Variants in JUP observed in about 807,000 individuals in gnomAD.
JUP encodes catenin (cadherin-associated protein), gamma 80kDa.
JUP carries 28 observed loss-of-function variants against 71.1 expected under a neutral mutation model. The observed-to-expected ratio is 0.39, with a 90% CI of 0.29 to 0.54. The LOEUF is 0.54. Ranked by LOEUF, JUP falls within the 20% of genes least tolerant of loss-of-function variation. The probability of loss-of-function intolerance (pLI) is 0.62; values close to 1 mark genes in which losing one functional copy is unlikely to be tolerated. For synonymous variants in JUP, 401 were observed against 438.9 expected (o/e 0.91, Z 1.08); for missense variants, 869 against 1,030.1 (o/e 0.84, Z 2.14).
chr17:41,771,297 G>T (rs1916611671), intron 2 of JUP: 2 of 332,578 alleles, frequency 6.0e-6, no homozygotes, highest in Non-Finnish European at 1.2e-5. Context: ...CTCCCAAAGT[G>T]CTGGGATTAC....
At chr17:41,761,835 G>A (rs1914864547) in intron 8 of JUP, among the ~76,000 whole-genome samples, 1 of 151,642 alleles carries the variant, frequency 6.6e-6, no homozygotes, top group Non-Finnish European at 1.5e-5. Context: ...TTGGGAGGCT[G>A]AGGCTGGTGG....
Position 41,765,183 on chromosome 17 carries a change from C to A in JUP, c.910-116G>T, listed in dbSNP as rs911148281. The A allele has an allele frequency of 1.1e-5, 11 of 1,025,944 alleles. No individual in the cohort carries two copies. In the African/African-American group the frequency reaches 1.6e-4, roughly 15 times the overall value. The allele number at this position is 1,025,944 out of a possible 1,614,324, so 63.6% of individuals were successfully genotyped here. A position where few individuals can be genotyped will look rare whatever the true frequency, so the allele number is the denominator to read the frequency against. On this transcript the variant is annotated intron_variant, in intron 5 of 13. Transcript: ENST00000393931. ...AGCTTCAGCTAAAGCACGAATAGTTCGTTTTTTTCTTTTAATGTATTTTTT... is the reference window on the plus strand; with the variant it reads ...AGCTTCAGCTAAAGCACGAATAGTTAGTTTTTTTCTTTTAATGTATTTTTT...
At chr17:41,781,073 C>A (rs1259277065) in intron 1 of JUP, among the ~76,000 whole-genome samples, 1 of 150,748 alleles carries the variant, frequency 6.6e-6, no homozygotes, top group Non-Finnish European at 1.5e-5. Flanking sequence ...CCCAGCTACT[C>A]GGGAGGCTAA....
At position 41,758,716 on chromosome 17, in the gene JUP, G is replaced by T; in HGVS notation, c.1652C>A (p.Thr551Lys). The T allele has an allele frequency of 1.3e-6, 2 of 1,599,254 alleles. No homozygotes were observed. Among genetic ancestry groups the T allele is most frequent in the Non-Finnish European group, 8.5e-7 (1 of 1,173,218 alleles). Residue 551 changes from threonine (T) to lysine (K), a missense_variant and splice_region_variant, in exon 9 of 14, where the codon ACG becomes AAG. Coordinates refer to ENST00000393931, the MANE Select transcript of JUP (RefSeq NM_002230.4). ...CAGAGGCACCACCAGCTCACATACC[G>T]TGTAGGGCTGCTGTGTGCCTGCAGC... is the stretch of plus-strand genomic sequence containing the variant. ...HVAAGTQQPYTDGVRMEEIVE... is the reference protein window; with the variant it reads ...HVAAGTQQPYKDGVRMEEIVE...
chr17:41,767,373 G>A lies in JUP; in HGVS notation c.909+6C>T, dbSNP rs193922705. 1.3e-3 allele frequency: 2,074 copies of A among 1,613,530 alleles called. 18 individuals carry two copies. In the Middle Eastern group the frequency reaches 0.021, roughly 17 times the overall value. ...TCAGGCCTCGGGAGAGTTGGGGAGG[G>A]CCCACCTTGCTCTCCTGGTTGCCGT... is the stretch of plus-strand genomic sequence containing the variant. On this transcript the variant is annotated splice_donor_region_variant and intron_variant, in intron 5 of 13. Coordinates refer to ENST00000393931, the MANE Select transcript of JUP (RefSeq NM_002230.4).
rs1555597474 is a variant in JUP at position 41,755,834 on chromosome 17, C to T, written c.2148G>A (p.Met716Ile). 2 of 1,613,480 alleles carry T rather than the reference C, an allele frequency of 1.2e-6. No individual in the cohort carries two copies. Among genetic ancestry groups the T allele is most frequent in the East Asian group, 4.5e-5 (2 of 44,840 alleles). ...GGTAGTCTCCATCCATGTCCATGTG[C>T]ATCTCCAGCGGGTCAAGGGGCACAT... ...SSDVPLDPLEMHMDMDGDYPI... is the reference protein window; with the variant it reads ...SSDVPLDPLEIHMDMDGDYPI... The change falls in exon 14 of 14, where the codon ATG becomes ATA. Residue 716 changes from methionine (M) to isoleucine (I), a missense_variant. Physicochemically the swap from Met to Ile is conservative, Grantham distance 10. Transcript: ENST00000393931.
At chr17:41,784,516 G>A (rs7213095) in intron 1 of JUP, among the ~76,000 whole-genome samples, 3 of 151,848 alleles carry the variant, frequency 2.0e-5, no homozygotes, top group Admixed American at 1.3e-4. Flanking sequence ...AACTAATCAT[G>A]TAGCCAACAT....
intron 1 of JUP, among the ~76,000 whole-genome samples, chr17:41,782,603 A>G (rs1022936665): frequency 3.6e-4 from 55 of 151,806 alleles, no homozygotes; most frequent in Admixed American, 2.0e-4. Flanking sequence ...CCTCCCCCCA[A>G]CACTCACCAC....
chr17:41,777,414 C>A (rs1289173753), intron 1 of JUP, among the ~76,000 whole-genome samples: 1 of 152,202 alleles, frequency 6.6e-6, no homozygotes, highest in Non-Finnish European at 1.5e-5. Context: ...CAGACACAGA[C>A]TCTAGAAAGT....
chr17:41,784,057 C>A (rs2047323950), intron 1 of JUP, among the ~76,000 whole-genome samples: 1 of 152,062 alleles, frequency 6.6e-6, no homozygotes. Context: ...AGAGCTGGGT[C>A]TCAAACCCAG....
intron 1 of JUP, among the ~76,000 whole-genome samples, chr17:41,773,891 C>T (rs887801298): frequency 2.0e-5 from 3 of 152,206 alleles, no homozygotes; most frequent in Admixed American, 1.3e-4. Context: ...GTAGCAATAA[C>T]CCACTGAATG....
At chr17:41,772,976 G>A (rs1422876625) in intron 1 of JUP, 2 of 985,458 alleles carry the variant, frequency 2.0e-6, no homozygotes, top group African/African-American at 3.5e-5. Context: ...CTACGAGCCA[G>A]ACCTTTCACA....
Position 41,769,421 on chromosome 17 carries a change from G to T in JUP, c.465C>A (p.Asp155Glu). ...CCTAGCAGGGACCCTCACAGACCGG[G>T]TCCTCGTCGTTGAGCAGTTTGGTGA... is the stretch of plus-strand genomic sequence containing the variant. ...PELTKLLNDE[D>E]PVVVTKAAMI... Residue 155 changes from aspartate to glutamate, a missense_variant, in exon 3 of 14, where the codon GAC becomes GAA. Coordinates refer to ENST00000393931, the MANE Select transcript of JUP (RefSeq NM_002230.4). 1 of 1,611,264 alleles carries T rather than the reference G, an allele frequency of 6.2e-7. No homozygotes were observed. Among genetic ancestry groups the T allele is most frequent in the Non-Finnish European group, 8.5e-7 (1 of 1,179,126 alleles).
intron 2 of JUP, among the ~76,000 whole-genome samples, chr17:41,771,249 C>T (rs189618311): frequency 0.013 from 2,038 of 152,274 alleles, 13 homozygotes; most frequent in Non-Finnish European, 0.022. Flanking sequence ...CCAGGCTGGT[C>T]TCAAACTCCT....
chr17:41,770,035 G>A (rs1555606229), intron 2 of JUP, among the ~76,000 whole-genome samples: 2 of 151,964 alleles, frequency 1.3e-5, no homozygotes, highest in African/African-American at 4.8e-5. Flanking sequence ...TTTACAGATG[G>A]GAAAACTGGG....
intron 5 of JUP, among the ~76,000 whole-genome samples, chr17:41,765,930 C>T (rs1915643012): frequency 6.6e-6 from 1 of 152,190 alleles, no homozygotes. Context: ...TACCCTCCCT[C>T]AGAATAAAGC....
In JUP at chr17:41,764,935, T is replaced by C; in HGVS notation, c.1042A>G (p.Ile348Val). Residue 348 changes from isoleucine to valine, a missense_variant, in exon 6 of 14, where the codon ATT (isoleucine) becomes GTT (valine). Transcript: ENST00000393931. ...CCATCATACTCACCAGCCTCCACAA[T>C]GGCAGGCTTATTGCTGGGACACACG... is the stretch of plus-strand genomic sequence containing the variant. The part of the protein sequence containing the change: ...LSVCPSNKPA[I>V]VEAGGMQALG... 6.2e-7 allele frequency: 1 copy of C among 1,614,122 alleles called. No individual in the cohort carries two copies. The highest frequency in any genetic ancestry group is 1.1e-5 in the South Asian group (1 of 91,086).
In JUP at chr17:41,758,454, T is replaced by C; in HGVS notation, c.1718A>G (p.Asp573Gly). The C allele has an allele frequency of 6.2e-7, 1 of 1,613,934 alleles. No homozygotes were observed. The highest frequency in any genetic ancestry group is 8.5e-7 in the Non-Finnish European group (1 of 1,180,010). ...CTGALHILARDPMNRMEIFRL... is the reference protein window; with the variant it reads ...CTGALHILARGPMNRMEIFRL... ...GAAGATCTCCATGCGGTTCATGGGG[T>C]CCCGGGCGAGGATGTGCAGTGCTCC... is the stretch of plus-strand genomic sequence containing the variant. Residue 573 changes from aspartate (D) to glycine (G), a missense_variant, in exon 10 of 14, where the codon GAC (aspartate) becomes GGC (glycine). Coordinates refer to ENST00000393931, the MANE Select transcript of JUP (RefSeq NM_002230.4).
chr17:41,766,823 C>G (rs1194326212), intron 5 of JUP, among the ~76,000 whole-genome samples: 28 of 150,876 alleles, frequency 1.9e-4, no homozygotes, highest in African/African-American at 6.3e-4. Flanking sequence ...CCATTGCACT[C>G]CTGCCTGGGC....
Sources: allele counts gnomAD v4.1 joint callset (sites outside exome capture counted in the v4.1 genomes callset), GRCh38; gene constraint gnomAD v4.1.1; transcripts MANE v1.5; gene names NCBI Gene and HGNC (gene_info 2026-07-23, HGNC 2026-07-21).